MDGA2: variants seen among roughly 807,000 people sequenced by gnomAD.
The protein encoded by MDGA2 is MAM domain containing glycosylphosphatidylinositol anchor 2, also known as MAM domain-containing glycosylphosphatidylinositol anchor protein 2.
In MDGA2, 40 loss-of-function variants were observed where a neutral mutation model predicts 117.8. The ratio of observed to expected loss-of-function variants is 0.34; its 90% CI spans 0.26 to 0.44. MDGA2 has a LOEUF of 0.44. Ranked by LOEUF, MDGA2 falls within the 20% of genes least tolerant of loss-of-function variation. MDGA2 has a pLI of 1.00. For synonymous variants in MDGA2, 452 were observed against 439.0 expected (o/e 1.03, Z -0.37); for missense variants, 1,123 against 1,250.6 (o/e 0.90, Z 1.54).
chr14:47,634,492 T>G (rs1897292387), intron 1 of MDGA2, among the ~76,000 whole-genome samples: 2 of 152,144 alleles, frequency 1.3e-5, no homozygotes, highest in African/African-American at 4.8e-5. Flanking sequence ...TCCTCAAATG[T>G]AAAAACACAG....
At chr14:47,468,644 A>G (rs190727899) in intron 1 of MDGA2, among the ~76,000 whole-genome samples, 1 of 131,366 alleles carries the variant, frequency 7.6e-6, no homozygotes, top group Non-Finnish European at 1.6e-5. Context: ...AGACCTCATA[A>G]ATTGAATTTC....
intron 1 of MDGA2, among the ~76,000 whole-genome samples, chr14:47,484,487 G>C (rs559502642): frequency 6.6e-6 from 1 of 152,244 alleles, no homozygotes; most frequent in South Asian, 2.1e-4. Context: ...ATGTTAGGGA[G>C]GATTCACTAA....
At position 47,218,593 on chromosome 14, in the gene MDGA2, G is replaced by T. The variant is rs150204175; in HGVS notation, c.421-398C>A. On this transcript the variant is annotated intron_variant, in intron 2 of 16. Transcript: ENST00000399232. ...AATTTTACTTATTTTGTCCAAGTAG[G>T]TTCTCATTTTATTTTTGGACATGCC... Among the ~76,000 whole-genome samples the T allele has an allele frequency of 2.4e-3, 359 of 151,986 alleles. 2 individuals carry two copies. The highest frequency in any genetic ancestry group is 8.4e-3 in the African/African-American group (350 of 41,466).
At chr14:46,890,482 T>G (rs555489348) in intron 10 of MDGA2, among the ~76,000 whole-genome samples, 13 of 152,150 alleles carry the variant, frequency 8.5e-5, no homozygotes, top group Non-Finnish European at 1.3e-4. Flanking sequence ...CTATAGTATT[T>G]CTTATTTATA....
chr14:47,622,405 A>G (rs1897065398), intron 1 of MDGA2, among the ~76,000 whole-genome samples: 1 of 152,256 alleles, frequency 6.6e-6, no homozygotes, highest in African/African-American at 2.4e-5. Flanking sequence ...AGCAGCAATT[A>G]TAAGGATATG....
intron 9 of MDGA2, among the ~76,000 whole-genome samples, chr14:46,950,025 AAAT>A (rs1885311684): frequency 6.6e-6 from 1 of 151,930 alleles, no homozygotes; most frequent in Non-Finnish European, 1.5e-5. Context: ...ACTGCTGTAA[AAAT>A]AATGAAAATT....
At chr14:47,371,978 A>G (rs1282260205) in intron 1 of MDGA2, among the ~76,000 whole-genome samples, 2 of 151,934 alleles carry the variant, frequency 1.3e-5, no homozygotes, top group East Asian at 1.9e-4. Flanking sequence ...AATAAAATGT[A>G]TATAATTTCA....
At chr14:47,152,700 GA>G (rs200207871) in intron 3 of MDGA2, among the ~76,000 whole-genome samples, 6 of 148,336 alleles carry the variant, frequency 4.0e-5, no homozygotes, top group Non-Finnish European at 7.5e-5. Flanking sequence ...TGAATAAGAT[GA>G]AAAAAAAACA....
intron 8 of MDGA2, among the ~76,000 whole-genome samples, chr14:46,972,430 G>T (rs890290596): frequency 1.3e-5 from 2 of 152,138 alleles, no homozygotes; most frequent in Non-Finnish European, 2.9e-5. Context: ...AAGAAAAAAG[G>T]ATTGAGATGG....
chr14:47,234,225 T>A (rs1886785509), intron 2 of MDGA2, among the ~76,000 whole-genome samples: 1 of 150,160 alleles, frequency 6.7e-6, no homozygotes, highest in Non-Finnish European at 1.5e-5. Flanking sequence ...ATTATAAATA[T>A]TAAATGTAAA....
Position 47,200,534 on chromosome 14 carries a change from C to CTTTTTT in MDGA2, c.595+17481_595+17486dup, listed in dbSNP as rs10639284. On this transcript the variant is annotated intron_variant, in intron 3 of 16. Transcript: ENST00000399232. ...TTCTTTTCTTTTTTCTTTTTCTTTTCTTTTTTTTTTTTTTTGAGGAGTTAA... is the reference window on the plus strand; with the variant it reads ...TTCTTTTCTTTTTTCTTTTTCTTTTCTTTTTTTTTTTTTTTTTTTTTGAGGAGTTAA... The CTTTTTT allele has an allele frequency of 1.1e-4, 45 of 421,856 alleles. 1 individual carries two copies. The highest frequency in any genetic ancestry group is 1.4e-4 in the Admixed American group (3 of 21,736). 26.1% of individuals were successfully genotyped at this position (421,856 alleles called of 1,614,324 possible). A position where few individuals can be genotyped will look rare whatever the true frequency, so the allele number is the denominator to read the frequency against.
intron 1 of MDGA2, among the ~76,000 whole-genome samples, chr14:47,415,540 C>T (rs1892457520): frequency 3.9e-5 from 6 of 151,982 alleles, no homozygotes; most frequent in Admixed American, 2.6e-4. Flanking sequence ...TAATCTCTTA[C>T]TGTGCCTGAT....
chr14:47,434,721 T>C (rs1321323168), intron 1 of MDGA2, among the ~76,000 whole-genome samples: 2 of 152,180 alleles, frequency 1.3e-5, no homozygotes, highest in Non-Finnish European at 2.9e-5. Context: ...ACCTCGTAGT[T>C]ACTTTCTAGT....
At chr14:47,297,410 G>A (rs1889109955) in intron 2 of MDGA2, among the ~76,000 whole-genome samples, 1 of 149,370 alleles carries the variant, frequency 6.7e-6, no homozygotes, top group Admixed American at 6.7e-5. Context: ...AAGAGGAAGG[G>A]AGGGGAGGAG....
intron 8 of MDGA2, among the ~76,000 whole-genome samples, chr14:47,009,729 T>A (rs891887343): frequency 6.6e-6 from 1 of 152,024 alleles, no homozygotes; most frequent in East Asian, 1.9e-4. Flanking sequence ...AGATTAGATG[T>A]AGGTAAGAAT....
chr14:47,493,423 C>A (rs1368290718), intron 1 of MDGA2, among the ~76,000 whole-genome samples: 1 of 151,820 alleles, frequency 6.6e-6, no homozygotes, highest in Non-Finnish European at 1.5e-5. Context: ...TCAAGCAATT[C>A]TCCTGCATCA....
chr14:47,459,185 T>C (rs1235708260), intron 1 of MDGA2, among the ~76,000 whole-genome samples: 1 of 151,964 alleles, frequency 6.6e-6, no homozygotes, highest in South Asian at 2.1e-4. Flanking sequence ...CTTTGAATTG[T>C]TGACTTACTG....
At chr14:46,991,131 G>T (rs1368725018) in intron 8 of MDGA2, among the ~76,000 whole-genome samples, 1 of 151,952 alleles carries the variant, frequency 6.6e-6, no homozygotes, top group Non-Finnish European at 1.5e-5. Context: ...TATTATGAAT[G>T]TACTTCCTTT....
intron 1 of MDGA2, among the ~76,000 whole-genome samples, chr14:47,635,694 C>A (rs1218319601): frequency 1.3e-5 from 2 of 152,098 alleles, no homozygotes; most frequent in Admixed American, 6.5e-5. Context: ...TCAGAGAAAA[C>A]AATTAACCCC....
Sources: gnomAD v4.1 joint callset for allele counts (sites outside exome capture counted in the v4.1 genomes callset) on GRCh38, gnomAD v4.1.1 for gene constraint, MANE v1.5 for transcripts, NCBI Gene and HGNC (gene_info 2026-07-23, HGNC 2026-07-21) for gene names.